Variants in RNF24 observed in about 807,000 individuals in gnomAD.
RNF24 encodes ring finger protein 24.
In RNF24, 14 loss-of-function variants were observed where a neutral mutation model predicts 20.0. The ratio of observed to expected loss-of-function variants is 0.70; its 90% confidence interval spans 0.46 to 1.10. RNF24 has a LOEUF of 1.10. Among genes scored for constraint, RNF24 ranks in the 50% least tolerant of loss-of-function variants. The probability of loss-of-function intolerance (pLI) is 0.00; values close to 1 mark genes in which losing one functional copy is unlikely to be tolerated. For missense variants in RNF24, 124 were observed against 177.6 expected, an observed-to-expected ratio of 0.70 and a Z score of 1.71; for synonymous variants, 45 against 61.1, an observed-to-expected ratio of 0.74 and a Z score of 1.23.
intron 1 of RNF24, among the ~76,000 whole-genome samples, chr20:4,011,440 C>T (rs1022321386): frequency 1.3e-5 from 2 of 151,960 alleles, no homozygotes; most frequent in Admixed American, 6.6e-5. Context: ...AGGGAATTCC[C>T]AAGATGATGA....
chr20:3,941,337 T>C (rs2090953104), intron 4 of RNF24, among the ~76,000 whole-genome samples: 1 of 152,166 alleles, frequency 6.6e-6, no homozygotes, highest in African/African-American at 2.4e-5. Flanking sequence ...TTTCAATGTA[T>C]ATAGACGTAA....
intron 1 of RNF24, among the ~76,000 whole-genome samples, chr20:3,966,732 T>C (rs2146995543): frequency 6.6e-6 from 1 of 152,264 alleles, no homozygotes; most frequent in East Asian, 1.9e-4. Flanking sequence ...ACAGGCTAGC[T>C]AGGAGTGAGG....
chr20:3,959,423 A>T (rs374549066), intron 2 of RNF24, among the ~76,000 whole-genome samples: 6 of 152,278 alleles, frequency 3.9e-5, no homozygotes, highest in African/African-American at 1.4e-4. Context: ...TGACCTCATA[A>T]TAACTGTAGC....
chr20:3,957,119 G>C (rs1409552762), intron 2 of RNF24, among the ~76,000 whole-genome samples: 1 of 151,894 alleles, frequency 6.6e-6, no homozygotes, highest in Non-Finnish European at 1.5e-5. Context: ...CCAACATGGT[G>C]AAACCCTGTC....
At chr20:3,986,747 A>G (rs114332115) in intron 1 of RNF24, among the ~76,000 whole-genome samples, 4,790 of 150,908 alleles carry the variant, frequency 0.032, 264 homozygotes, top group African/African-American at 0.11. Flanking sequence ...TCTCGGGTTC[A>G]AGCAAATTTT....
intron 4 of RNF24, among the ~76,000 whole-genome samples, chr20:3,943,438 T>C (rs1600632798): frequency 6.6e-6 from 1 of 152,132 alleles, no homozygotes; most frequent in African/African-American, 2.4e-5. Flanking sequence ...TAAGATTTAC[T>C]ATAAAGCTAT....
chr20:3,942,818 G>GTT (rs375685386), intron 4 of RNF24, among the ~76,000 whole-genome samples: 39 of 138,660 alleles, frequency 2.8e-4, no homozygotes, highest in Non-Finnish European at 2.8e-4. Flanking sequence ...GATGAAGACA[G>GTT]TTTTTTTTTT....
Position 3,942,971 on chromosome 20 carries a change from G to A in RNF24, c.228+2206C>T, listed in dbSNP as rs116339691. On this transcript the variant is annotated intron_variant, in intron 4 of 5. Coordinates refer to ENST00000358395, the MANE Select transcript of RNF24 (RefSeq NM_001134337.3). ...GCTGGGATTACAGGTGTCCATCACC[G>A]CGCCTGGCTCATTTTTGTATTTTTG... Among the ~76,000 whole-genome samples the A allele has an allele frequency of 9.3e-3, 1,406 of 151,954 alleles. 22 individuals are homozygous for A. Among genetic ancestry groups the A allele is most frequent in the African/African-American group, 0.031 (1,293 of 41,442 alleles).
intron 1 of RNF24, among the ~76,000 whole-genome samples, chr20:3,973,275 T>C (rs1600675861): frequency 6.7e-6 from 1 of 149,288 alleles, no homozygotes; most frequent in Non-Finnish European, 1.5e-5. Context: ...TAGTGCTGAG[T>C]GGGCAATTCA....
At chr20:3,992,557 T>C (rs540841885) in intron 1 of RNF24, among the ~76,000 whole-genome samples, 1 of 152,208 alleles carries the variant, frequency 6.6e-6, no homozygotes, top group African/African-American at 2.4e-5. Context: ...ATTTGTACAC[T>C]TCAGTATTTT....
At chr20:4,013,008 GT>G (rs561431099) in intron 1 of RNF24, among the ~76,000 whole-genome samples, 4,576 of 143,282 alleles carry the variant, frequency 0.032, 168 homozygotes, top group African/African-American at 0.089. Context: ...TAAAGCTCTT[GT>G]TTTTTTTTTT....
At chr20:3,987,417 C>G (rs961977817) in intron 1 of RNF24, among the ~76,000 whole-genome samples, 3 of 152,098 alleles carry the variant, frequency 2.0e-5, no homozygotes, top group Non-Finnish European at 4.4e-5. Context: ...ATGTTTTTTT[C>G]TGCTGTGAGG....
In RNF24 at chr20:3,945,228, A is replaced by C; in HGVS notation, c.187-10T>G. 6.3e-7 allele frequency: 1 copy of C among 1,583,600 alleles called. No individual in the cohort carries two copies. Among genetic ancestry groups the C allele is most frequent in the Non-Finnish European group, 8.6e-7 (1 of 1,162,520 alleles). ...TCTCTTTTAATATAACCTGTAAGAC[A>C]AAAAAGTATGTTCTTATGCCCATTT... On this transcript the variant is annotated splice_polypyrimidine_tract_variant and intron_variant, in intron 3 of 5. Coordinates refer to ENST00000358395, the MANE Select transcript of RNF24 (RefSeq NM_001134337.3).
At chr20:4,005,269 T>G (rs2122139030) in intron 1 of RNF24, among the ~76,000 whole-genome samples, 1 of 152,334 alleles carries the variant, frequency 6.6e-6, no homozygotes, top group Non-Finnish European at 1.5e-5. Context: ...AGCTTTTTAG[T>G]GTAGGTTAAC....
intron 1 of RNF24, among the ~76,000 whole-genome samples, chr20:4,006,022 A>G (rs111567492): frequency 1.3e-5 from 2 of 152,186 alleles, no homozygotes; most frequent in African/African-American, 4.8e-5. Context: ...TCGGGAAAAC[A>G]TAAGTACCAT....
At chr20:3,985,413 T>C (rs1568651714) in intron 1 of RNF24, among the ~76,000 whole-genome samples, 1 of 152,162 alleles carries the variant, frequency 6.6e-6, no homozygotes, top group Non-Finnish European at 1.5e-5. Context: ...TTTTTTTCCC[T>C]GATCAGTTCC....
At chr20:3,941,240 CTCGATCTT>C (rs2090951752) in intron 4 of RNF24, among the ~76,000 whole-genome samples, 2 of 152,100 alleles carry the variant, frequency 1.3e-5, no homozygotes, top group East Asian at 3.9e-4. Flanking sequence ...CCAGGCTGGT[CTCGATCTT>C]CTGGACTCCA....
intron 2 of RNF24, among the ~76,000 whole-genome samples, chr20:3,963,294 G>C (rs556836485): frequency 6.6e-5 from 10 of 152,344 alleles, no homozygotes; most frequent in African/African-American, 2.4e-4. Flanking sequence ...CTGGGTTCCA[G>C]TGATTTTCCT....
In RNF24 at chr20:3,928,779, A is replaced by AAAAAAAAAAAG; in HGVS notation, c.*5283_*5284insCTTTTTTTTTT. The AAAAAAAAAAAG allele has an allele frequency of 7.1e-6, 1 of 141,642 alleles. No homozygotes were observed. Among genetic ancestry groups the AAAAAAAAAAAG allele is most frequent in the Non-Finnish European group, 1.5e-5 (1 of 66,442 alleles). 8.8% of individuals were successfully genotyped at this position (141,642 alleles called of 1,614,324 possible). On this transcript the variant is annotated 3_prime_UTR_variant, in exon 6 of 6. Transcript: ENST00000358395. ...AAAAAAAAAAAAAAAAAAAAAAAAA[A>AAAAAAAAAAAG]TTGTTGGGGTAATTTCTGTTGTCAA... is the stretch of plus-strand genomic sequence containing the variant.
Sources: allele counts gnomAD v4.1 joint callset (sites outside exome capture counted in the v4.1 genomes callset), GRCh38; gene constraint gnomAD v4.1.1; transcripts MANE v1.5; gene names NCBI Gene and HGNC (gene_info 2026-07-23, HGNC 2026-07-21).